SEMA3D: variants seen among roughly 807,000 people sequenced by gnomAD.
The protein encoded by SEMA3D is semaphorin-3D.
SEMA3D carries 84 observed loss-of-function variants against 100.1 expected under a neutral mutation model. The observed-to-expected ratio is 0.84, with a 90% CI of 0.70 to 1.01. SEMA3D has a LOEUF of 1.01. Ranked by LOEUF, SEMA3D falls within the 50% of genes least tolerant of loss-of-function variation. The probability of loss-of-function intolerance (pLI) is 0.00; values close to 1 mark genes in which losing one functional copy is unlikely to be tolerated. For missense variants in SEMA3D, 875 were observed against 934.1 expected (o/e 0.94, Z 0.82); for synonymous variants, 312 against 320.7 (o/e 0.97, Z 0.29).
intron 18 of SEMA3D, among the ~76,000 whole-genome samples, chr7:85,000,204 T>C (rs755089599): frequency 4.1e-4 from 63 of 152,146 alleles, no homozygotes; most frequent in Admixed American, 8.5e-4. Flanking sequence ...AGTGGCCTTC[T>C]TTACAGAGAT....
intron 17 of SEMA3D, 120 bp from the exon 18 acceptor site, chr7:85,007,061 G>A: frequency 1.6e-6 from 1 of 611,658 alleles, no homozygotes; most frequent in South Asian, 4.1e-5. Context: ...TAAAGAGAAA[G>A]GAAATTCATG....
chr7:85,233,841 T>C, the SEMA3D span, among the ~76,000 whole-genome samples: 1 of 152,218 alleles, frequency 6.6e-6, no homozygotes, highest in Non-Finnish European at 1.5e-5. Context: ...AGGAAGGTTT[T>C]GGAGCTCTTC....
At chr7:85,150,347 A>ATATATATATATATATATATATAT (rs1562836122) in intron 2 of SEMA3D, among the ~76,000 whole-genome samples, 4 of 16,098 alleles carry the variant, frequency 2.5e-4, no homozygotes, top group Admixed American at 2.5e-3. Context: ...TTTTCTAGAA[A>ATATATATATATATATATATATAT]TATATATATA....
chr7:85,199,597 C>T, the SEMA3D span, among the ~76,000 whole-genome samples: 4 of 152,104 alleles, frequency 2.6e-5, no homozygotes, highest in East Asian at 7.7e-4. Flanking sequence ...TCACCCATTC[C>T]TTTATTTTTA....
intron 2 of SEMA3D, among the ~76,000 whole-genome samples, chr7:85,135,346 G>T (rs1789828851): frequency 6.6e-6 from 1 of 152,016 alleles, no homozygotes; most frequent in South Asian, 2.1e-4. Context: ...GTTTGCACAT[G>T]AATCATGTTG....
intron 5 of SEMA3D, 64 bp downstream of exon 5, chr7:85,081,453 A>G: frequency 9.6e-7 from 1 of 1,047,064 alleles, no homozygotes; most frequent in Non-Finnish European, 1.5e-6. Context: ...AAAGCCCAAT[A>G]TAAATATTTG....
At chr7:85,130,101 A>G (rs1789682121) in intron 2 of SEMA3D, among the ~76,000 whole-genome samples, 1 of 152,168 alleles carries the variant, frequency 6.6e-6, no homozygotes, top group Non-Finnish European at 1.5e-5. Flanking sequence ...AATAATTTTC[A>G]TAAGCATAAC....
intron 8 of SEMA3D, among the ~76,000 whole-genome samples, chr7:85,057,607 T>C (rs1227244952): frequency 6.6e-6 from 1 of 152,170 alleles, no homozygotes; most frequent in Non-Finnish European, 1.5e-5. Flanking sequence ...AATATCCCAA[T>C]AAAGCTTCAC....
rs189360074 is a variant in SEMA3D, at chr7:85,146,111, A to T, written c.-41+7497T>A. On this transcript the variant is annotated intron_variant, in intron 2 of 18. Coordinates refer to ENST00000284136, the MANE Select transcript of SEMA3D (RefSeq NM_001384900.1). Reference sequence around the variant, plus strand: ...GGGCTAATTGTACATACAAAGAAAAACCAATTGGTATAAATAGATAATTCA... The same window carrying T: ...GGGCTAATTGTACATACAAAGAAAATCCAATTGGTATAAATAGATAATTCA... Among the ~76,000 whole-genome samples the T allele has an allele frequency of 1.1e-4, 17 of 152,222 alleles. No individual in the cohort carries two copies. The East Asian group carries it at 3.3e-3, about 29-fold the overall frequency.
intron 18 of SEMA3D, among the ~76,000 whole-genome samples, chr7:85,001,026 T>C (rs955538717): frequency 7.2e-5 from 11 of 152,216 alleles, no homozygotes; most frequent in Non-Finnish European, 1.0e-4. Context: ...GATTGTACTC[T>C]GCATCTTTAT....
chr7:85,199,746 T>C, the SEMA3D span, among the ~76,000 whole-genome samples: 1 of 152,242 alleles, frequency 6.6e-6, no homozygotes, highest in African/African-American at 2.4e-5. Context: ...TAATTTTGAA[T>C]AGATATGATT....
chr7:85,033,410 A>C (rs1790599182), intron 12 of SEMA3D, among the ~76,000 whole-genome samples: 1 of 152,148 alleles, frequency 6.6e-6, no homozygotes, highest in African/African-American at 2.4e-5. Flanking sequence ...GCCTCGCATG[A>C]CATTCACAGC....
intron 12 of SEMA3D, among the ~76,000 whole-genome samples, chr7:85,032,170 G>A (rs991964618): frequency 4.6e-5 from 7 of 151,814 alleles, no homozygotes; most frequent in African/African-American, 1.7e-4. Context: ...ATTCACTCCA[G>A]TTCTTACATT....
chr7:85,110,998 G>C (rs1359707048), intron 3 of SEMA3D, among the ~76,000 whole-genome samples: 3 of 151,964 alleles, frequency 2.0e-5, no homozygotes, highest in African/African-American at 4.8e-5. Context: ...AGACATATTA[G>C]CTGACTTTGA....
the SEMA3D span, among the ~76,000 whole-genome samples, chr7:85,211,506 T>C: frequency 3.3e-5 from 5 of 152,122 alleles, no homozygotes; most frequent in African/African-American, 1.2e-4. Context: ...TGAAATTCTT[T>C]CTTCACTCAT....
the SEMA3D span, among the ~76,000 whole-genome samples, chr7:85,215,970 C>T: frequency 2.6e-5 from 4 of 151,992 alleles, no homozygotes; most frequent in Admixed American, 6.6e-5. Flanking sequence ...GGTTCTTTTT[C>T]ATAATATAAA....
chr7:85,205,455 G>T, the SEMA3D span, among the ~76,000 whole-genome samples: 2 of 152,002 alleles, frequency 1.3e-5, no homozygotes, highest in African/African-American at 4.8e-5. Flanking sequence ...AATTTAAAAA[G>T]TGTCCTTTAA....
chr7:85,031,270 A>G (rs1407310182), intron 12 of SEMA3D, among the ~76,000 whole-genome samples: 1 of 152,056 alleles, frequency 6.6e-6, no homozygotes. Context: ...ATTCAATCTT[A>G]ATAGCAATAC....
intron 1 of SEMA3D, among the ~76,000 whole-genome samples, chr7:85,161,550 C>T (rs1017061812): frequency 6.6e-6 from 1 of 151,922 alleles, no homozygotes; most frequent in African/African-American, 2.4e-5. Context: ...AGGATGGTTG[C>T]GGGTGGAGTA....
Sources: allele counts gnomAD v4.1 joint callset (sites outside exome capture counted in the v4.1 genomes callset), GRCh38; gene constraint gnomAD v4.1.1; transcripts MANE v1.5; gene names NCBI Gene and HGNC (gene_info 2026-07-23, HGNC 2026-07-21).